OR10J1: variants seen among roughly 807,000 people sequenced by gnomAD.
OR10J1 encodes olfactory receptor family 10 subfamily J member 1, also known as olfactory receptor 10J1.
For synonymous variants in OR10J1, 202 were observed against 143.8 expected (o/e 1.40, Z -2.89); for missense variants, 474 against 376.6 (o/e 1.26, Z -2.14).
chr1:159,431,538 A>G, the OR10J1 span, among the ~76,000 whole-genome samples: 1 of 152,196 alleles, frequency 6.6e-6, no homozygotes, highest in Non-Finnish European at 1.5e-5. Context: ...GGTGAGTCTG[A>G]GTAGAGTTTC....
At chr1:159,425,610 A>T in the OR10J1 span, among the ~76,000 whole-genome samples, 2 of 152,102 alleles carry the variant, frequency 1.3e-5, no homozygotes, top group African/African-American at 4.8e-5. Context: ...AATTGCAAAG[A>T]AAGAGATAGG....
At chr1:159,399,780 G>T in the OR10J1 span, among the ~76,000 whole-genome samples, 1 of 151,818 alleles carries the variant, frequency 6.6e-6, no homozygotes, top group Non-Finnish European at 1.5e-5. Flanking sequence ...ACTAAATGAT[G>T]AACCAATAAA....
At chr1:159,427,371 G>C in the OR10J1 span, among the ~76,000 whole-genome samples, 5 of 151,550 alleles carry the variant, frequency 3.3e-5, no homozygotes, top group African/African-American at 1.2e-4. Flanking sequence ...TTTAAGTTTG[G>C]ATAGTTGAAG....
At position 159,440,441 on chromosome 1, in the gene OR10J1, A is replaced by C; in HGVS notation, c.650A>C (p.Tyr217Ser). Residue 217 changes from tyrosine to serine, a missense_variant, in exon 1 of 1, where the codon TAT (tyrosine) becomes TCT (serine). Coordinates refer to ENST00000423932, the MANE Select transcript of OR10J1 (RefSeq NM_012351.3). ...VVPMGLVFIS[Y>S]VLIISTILKI... ...CCTATGGGTCTGGTTTTCATTTCTTATGTTCTCATTATCTCTACAATCCTC... is the reference window on the plus strand; with the variant it reads ...CCTATGGGTCTGGTTTTCATTTCTTCTGTTCTCATTATCTCTACAATCCTC... The C allele has an allele frequency of 6.2e-7, 1 of 1,614,002 alleles. No individual in the cohort carries two copies. The highest frequency in any genetic ancestry group is 1.1e-5 in the South Asian group (1 of 91,064).
At chr1:159,430,668 T>TGTGTGTGCGCGC in the OR10J1 span, among the ~76,000 whole-genome samples, 529 of 69,690 alleles carry the variant, frequency 7.6e-3, 5 homozygotes, top group Non-Finnish European at 0.016. Flanking sequence ...TGTGTGTGTG[T>TGTGTGTGCGCGC]GCGCGCGCGC....
the OR10J1 span, chr1:159,432,246 G>C: frequency 2.5e-6 from 1 of 400,930 alleles, no homozygotes; most frequent in Non-Finnish European, 4.4e-6. Flanking sequence ...GTTTACATTT[G>C]AGGGTTTCTC....
chr1:159,411,085 C>A, the OR10J1 span, among the ~76,000 whole-genome samples: 374 of 152,214 alleles, frequency 2.5e-3, no homozygotes, highest in African/African-American at 8.6e-3. Context: ...AATTTCTGTT[C>A]TTCTACATTT....
chr1:159,428,587 T>G, the OR10J1 span, among the ~76,000 whole-genome samples: 2 of 152,202 alleles, frequency 1.3e-5, no homozygotes, highest in African/African-American at 2.4e-5. Context: ...ACTTTAAGCC[T>G]TCCTTTAGCT....
the OR10J1 span, among the ~76,000 whole-genome samples, chr1:159,418,244 T>C: frequency 8.6e-5 from 13 of 152,034 alleles, no homozygotes; most frequent in Admixed American, 8.5e-4. Context: ...GCCAAGACAG[T>C]GGGGAAGATG....
the OR10J1 span, chr1:159,432,246 G>A: frequency 5.0e-6 from 2 of 400,930 alleles, no homozygotes; most frequent in Non-Finnish European, 8.8e-6. Flanking sequence ...GTTTACATTT[G>A]AGGGTTTCTC....
chr1:159,410,557 T>A, the OR10J1 span, among the ~76,000 whole-genome samples: 2 of 152,074 alleles, frequency 1.3e-5, no homozygotes, highest in African/African-American at 2.4e-5. Flanking sequence ...CCCTTGATCT[T>A]TTTTTATTGC....
the OR10J1 span, among the ~76,000 whole-genome samples, chr1:159,415,069 A>C: frequency 6.6e-6 from 1 of 152,054 alleles, no homozygotes. Flanking sequence ...GAAGCTATTT[A>C]GTTTAATAGA....
In OR10J1 at chr1:159,439,939, C is replaced by A; in HGVS notation, c.148C>A (p.Arg50=). The change falls in exon 1 of 1, where the codon CGA becomes AGA. Residue 50 remains arginine (R), a synonymous_variant. Transcript: ENST00000423932. The part of the protein sequence containing the change: ...AGNIIIVTII[R]MDLHLHTPMY... ...CAATATCATCATTGTGACCATCATC[C>A]GAATGGATCTTCATCTTCACACACC... The A allele has an allele frequency of 6.2e-7, 1 of 1,614,080 alleles. No homozygotes were observed. The highest frequency in any genetic ancestry group is 8.5e-7 in the Non-Finnish European group (1 of 1,179,980).
chr1:159,397,883 G>A, the OR10J1 span, among the ~76,000 whole-genome samples: 3 of 152,090 alleles, frequency 2.0e-5, no homozygotes, highest in Admixed American at 2.0e-4. Context: ...GGTGATTATA[G>A]AGCCCCAGGG....
At position 159,440,437 on chromosome 1, in the gene OR10J1, T is replaced by G; in HGVS notation, c.646T>G (p.Ser216Ala). ...LVVPMGLVFISYVLIISTILK... is the reference protein window; with the variant it reads ...LVVPMGLVFIAYVLIISTILK... Reference sequence around the variant, plus strand: ...TGTACCTATGGGTCTGGTTTTCATTTCTTATGTTCTCATTATCTCTACAAT... The same window carrying G: ...TGTACCTATGGGTCTGGTTTTCATTGCTTATGTTCTCATTATCTCTACAAT... The change falls in exon 1 of 1, where the codon TCT (serine) becomes GCT (alanine). Residue 216 changes from serine (S) to alanine (A), a missense_variant. Ser to Ala is a moderately conservative substitution (Grantham distance 99, BLOSUM62 1). Coordinates refer to ENST00000423932, the MANE Select transcript of OR10J1 (RefSeq NM_012351.3). The G allele has an allele frequency of 6.2e-7, 1 of 1,614,172 alleles. No individual in the cohort carries two copies. The highest frequency in any genetic ancestry group is 8.5e-7 in the Non-Finnish European group (1 of 1,180,032).
At chr1:159,405,187 A>G in the OR10J1 span, among the ~76,000 whole-genome samples, 1 of 152,162 alleles carries the variant, frequency 6.6e-6, no homozygotes, top group Non-Finnish European at 1.5e-5. Context: ...AGGAACAACT[A>G]AATTAACACT....
chr1:159,433,894 AGAAG>A (rs1655661605), upstream of OR10J1, among the ~76,000 whole-genome samples: 1 of 152,160 alleles, frequency 6.6e-6, no homozygotes, highest in South Asian at 2.1e-4. Context: ...AAAGGAAGAA[AGAAG>A]GAAGGAAGGA....
At chr1:159,429,515 T>G in the OR10J1 span, among the ~76,000 whole-genome samples, 1 of 152,194 alleles carries the variant, frequency 6.6e-6, no homozygotes, top group Non-Finnish European at 1.5e-5. Flanking sequence ...GTCCAGGACC[T>G]TATGCTGATG....
chr1:159,439,786 C>A lies in OR10J1; in HGVS notation c.-6C>A. Reference sequence around the variant, plus strand: ...GCTTTTATGTTTCAGATTTGGGAACCAATCCATGAAAAGAGAGAACTTTAC... The same window carrying A: ...GCTTTTATGTTTCAGATTTGGGAACAAATCCATGAAAAGAGAGAACTTTAC... On this transcript the variant is annotated 5_prime_UTR_variant, in exon 1 of 1. Transcript: ENST00000423932. 3 of 1,613,798 alleles carry A rather than the reference C, an allele frequency of 1.9e-6. No individual in the cohort carries two copies. Among genetic ancestry groups the A allele is most frequent in the South Asian group, 1.1e-5 (1 of 91,052 alleles).
Sources: gnomAD v4.1 joint callset for allele counts (sites outside exome capture counted in the v4.1 genomes callset) on GRCh38, gnomAD v4.1.1 for gene constraint, MANE v1.5 for transcripts, NCBI Gene and HGNC (gene_info 2026-07-23, HGNC 2026-07-21) for gene names.